The following PITPNC1 variants were observed in gnomAD, a reference collection of about 807,000 sequenced individuals.
The protein encoded by PITPNC1 is phosphatidylinositol transfer protein cytoplasmic 1, also known as cytoplasmic phosphatidylinositol transfer protein 1.
Under a neutral mutation model 44.7 loss-of-function variants are expected in PITPNC1, and 18 were observed. The ratio of observed to expected loss-of-function variants is 0.40; its 90% CI spans 0.28 to 0.60. The LOEUF is 0.60. PITPNC1 is among the 20% of genes least tolerant of loss of function. The pLI is 0.39. For synonymous variants in PITPNC1, 141 were observed against 149.6 expected, an observed-to-expected ratio of 0.94 and a Z score of 0.42; for missense variants, 290 against 418.4, an observed-to-expected ratio of 0.69 and a Z score of 2.68.
In PITPNC1 at chr17:67,520,344, CCT is replaced by C. The variant is rs544708707; in HGVS notation, c.49-12455_49-12454del. Among the ~76,000 whole-genome samples, 379 of 152,236 alleles carry C rather than the reference CCT, an allele frequency of 2.5e-3. 2 individuals carry two copies. Among genetic ancestry groups the C allele is most frequent in the Admixed American group, 4.7e-3 (72 of 15,296 alleles). On this transcript the variant is annotated intron_variant, in intron 1 of 8. Coordinates refer to ENST00000581322, the MANE Select transcript of PITPNC1 (RefSeq NM_012417.4). ...CTGGGAAAGCTCTATCTTGATTTTC[CCT>C]CTTTTTGGTCTTGTGATTGACTGTG...
intron 5 of PITPNC1, among the ~76,000 whole-genome samples, chr17:67,583,064 C>G (rs1454640045): frequency 6.6e-6 from 1 of 152,182 alleles, no homozygotes; most frequent in Non-Finnish European, 1.5e-5. Context: ...GGGTCCCAGC[C>G]CCTGGGATTT....
rs564429861 is a variant in PITPNC1, at chr17:67,513,933, G to A, written c.49-18869G>A. ...TAGGCCTTTTGAGAAATGGATGGTC[G>A]GAGGGGATTGTGCACAATTCTGTGC... On this transcript the variant is annotated intron_variant, in intron 1 of 8. Coordinates refer to ENST00000581322, the MANE Select transcript of PITPNC1 (RefSeq NM_012417.4). 1.7e-4 allele frequency among the ~76,000 whole-genome samples: 26 copies of A among 152,062 alleles called. No individual in the cohort carries two copies. The South Asian group carries it at 4.4e-3, about 26-fold the overall frequency.
At chr17:67,554,823 C>A (rs542140737) in intron 4 of PITPNC1, among the ~76,000 whole-genome samples, 19 of 152,334 alleles carry the variant, frequency 1.2e-4, no homozygotes, top group African/African-American at 4.6e-4. Flanking sequence ...CCACTCACTG[C>A]CAGAATTCCT....
At chr17:67,652,627 C>T (rs986044625) in intron 6 of PITPNC1, among the ~76,000 whole-genome samples, 1 of 152,212 alleles carries the variant, frequency 6.6e-6, no homozygotes, top group Admixed American at 6.5e-5. Flanking sequence ...GAACTTGCAG[C>T]CCCACGCGTT....
intron 2 of PITPNC1, among the ~76,000 whole-genome samples, chr17:67,533,270 T>C (rs530260035): frequency 5.6e-4 from 85 of 152,118 alleles, no homozygotes; most frequent in African/African-American, 2.0e-3. Context: ...GTAAAAAATA[T>C]TACTACATAA....
chr17:67,570,237 C>T (rs1016113829), intron 4 of PITPNC1, among the ~76,000 whole-genome samples: 4 of 152,186 alleles, frequency 2.6e-5, no homozygotes, highest in Non-Finnish European at 4.4e-5. Context: ...TGCATGAAGT[C>T]AGCAGGGGGC....
chr17:67,633,756 T>C (rs2041998321), intron 6 of PITPNC1, among the ~76,000 whole-genome samples: 1 of 152,282 alleles, frequency 6.6e-6, no homozygotes, highest in South Asian at 2.1e-4. Flanking sequence ...GCTCTGATGA[T>C]GCGCAGAGCA....
intron 1 of PITPNC1, among the ~76,000 whole-genome samples, chr17:67,494,201 CTTTCTTTCTTTCTTTT>C (rs1568012950): frequency 3.4e-4 from 50 of 145,740 alleles, no homozygotes; most frequent in African/African-American, 1.1e-3. Context: ...TTCTTTCTTT[CTTTCTTTCTTTCTTTT>C]TGAGACGTAG....
At chr17:67,624,148 T>C (rs115592686) in intron 5 of PITPNC1, among the ~76,000 whole-genome samples, 3,995 of 152,204 alleles carry the variant, frequency 0.026, 149 homozygotes, top group African/African-American at 0.079. Flanking sequence ...ATAATAATGT[T>C]GCAATAAAAA....
intron 5 of PITPNC1, among the ~76,000 whole-genome samples, chr17:67,628,926 T>C (rs981354422): frequency 3.9e-5 from 6 of 152,196 alleles, no homozygotes; most frequent in African/African-American, 1.4e-4. Context: ...AGTGGCCCTT[T>C]AGGGCCCCCT....
At chr17:67,516,895 C>A (rs1347210434) in intron 1 of PITPNC1, among the ~76,000 whole-genome samples, 1 of 152,224 alleles carries the variant, frequency 6.6e-6, no homozygotes, top group Non-Finnish European at 1.5e-5. Context: ...CAGGCATAAG[C>A]CACCACGCCC....
chr17:67,527,202 A>C (rs949524005), intron 1 of PITPNC1, among the ~76,000 whole-genome samples: 1 of 125,302 alleles, frequency 8.0e-6, no homozygotes, highest in Non-Finnish European at 1.8e-5. Flanking sequence ...CTCTTTTTAA[A>C]TCATCACGAG....
chr17:67,469,132 T>A (rs2039475457), intron 1 of PITPNC1, among the ~76,000 whole-genome samples: 1 of 152,178 alleles, frequency 6.6e-6, no homozygotes, highest in South Asian at 2.1e-4. Context: ...CCATACTAAT[T>A]GTAATAAGAC....
At position 67,378,218 on chromosome 17, in the gene PITPNC1, G is replaced by A. The variant is rs1055729152; in HGVS notation, c.48+16G>A. 19 of 1,508,478 alleles carry A rather than the reference G, an allele frequency of 1.3e-5. No individual in the cohort carries two copies. Among genetic ancestry groups the A allele is most frequent in the Non-Finnish European group, 1.4e-5 (16 of 1,129,708 alleles). 93.4% of individuals were successfully genotyped at this position (1,508,478 alleles called of 1,614,324 possible). ...CGTAGACGAGGTAAGCGCCGCGCCC[G>A]GCCCGGCCTCGCCCGCTCCGGGACC... On this transcript the variant is annotated intron_variant, in intron 1 of 8. Coordinates refer to ENST00000581322, the MANE Select transcript of PITPNC1 (RefSeq NM_012417.4).
rs1204707756 is a variant in PITPNC1, at chr17:67,426,273, AAT to A, written c.48+48075_48+48076del. 1.3e-5 allele frequency among the ~76,000 whole-genome samples: 2 copies of A among 152,200 alleles called. 1 individual carries two copies. The highest frequency in any genetic ancestry group is 2.9e-5 in the Non-Finnish European group (2 of 68,040). On this transcript the variant is annotated intron_variant, in intron 1 of 8. Coordinates refer to ENST00000581322, the MANE Select transcript of PITPNC1 (RefSeq NM_012417.4). ...CCATTACTGGGTATATGCCCTAAGA[AAT>A]ATAAATCATTCTACTATAAAGACAC...
intron 2 of PITPNC1, among the ~76,000 whole-genome samples, chr17:67,541,978 C>G (rs575292972): frequency 4.6e-5 from 7 of 152,310 alleles, no homozygotes; most frequent in Admixed American, 1.3e-4. Flanking sequence ...AGACCCTGTT[C>G]ATCAGGGTGT....
intron 1 of PITPNC1, among the ~76,000 whole-genome samples, chr17:67,422,576 C>G (rs1434671226): frequency 6.6e-6 from 1 of 152,052 alleles, no homozygotes; most frequent in Non-Finnish European, 1.5e-5. Flanking sequence ...GAGACAGAGT[C>G]TTGCTCTGTC....
chr17:67,457,543 G>A (rs1454972008), intron 1 of PITPNC1: 5 of 152,316 alleles, frequency 3.3e-5, no homozygotes, highest in Non-Finnish European at 7.3e-5. Flanking sequence ...CCTGCCACCA[G>A]GCCCAGCTAA....
intron 2 of PITPNC1, among the ~76,000 whole-genome samples, chr17:67,544,916 T>G (rs1218894460): frequency 3.9e-5 from 6 of 152,178 alleles, no homozygotes; most frequent in Admixed American, 3.9e-4. Context: ...ATCAGAGACA[T>G]AGACTCTGAC....
Sources: allele counts gnomAD v4.1 joint callset (sites outside exome capture counted in the v4.1 genomes callset), GRCh38; gene constraint gnomAD v4.1.1; transcripts MANE v1.5; gene names NCBI Gene and HGNC (gene_info 2026-07-23, HGNC 2026-07-21).